The following DPYD variants were observed in gnomAD, a reference collection of about 807,000 sequenced individuals.
The protein encoded by DPYD is dihydropyrimidine dehydrogenase [NADP(+)].
Under a neutral mutation model 116.2 loss-of-function variants are expected in DPYD, and 109 were observed. The ratio of observed to expected loss-of-function variants is 0.94; its 90% CI spans 0.80 to 1.10. The LOEUF is 1.10. DPYD is among the 50% of genes least tolerant of loss of function. The pLI, the probability that DPYD is intolerant of heterozygous loss-of-function variation, is 0.00. For missense variants in DPYD, 1,302 were observed against 1,254.5 expected, an observed-to-expected ratio of 1.04 and a Z score of -0.57; for synonymous variants, 440 against 432.0, an observed-to-expected ratio of 1.02 and a Z score of -0.23.
chr1:97,620,951 TTTCA>T (rs1334009900), intron 8 of DPYD, among the ~76,000 whole-genome samples: 1 of 152,154 alleles, frequency 6.6e-6, no homozygotes, highest in African/African-American at 2.4e-5. Context: ...AAGTTTAGCA[TTTCA>T]TTCAAACTCA....
chr1:97,172,178 C>T (rs988488685), intron 20 of DPYD, among the ~76,000 whole-genome samples: 3 of 152,148 alleles, frequency 2.0e-5, no homozygotes, highest in Admixed American at 6.6e-5. Flanking sequence ...TATCTTTCTT[C>T]GTAGGCTCTC....
chr1:97,133,897 G>A (rs1653520527), intron 20 of DPYD, among the ~76,000 whole-genome samples: 1 of 150,094 alleles, frequency 6.7e-6, no homozygotes, highest in Non-Finnish European at 1.5e-5. Flanking sequence ...TACTCAGGAG[G>A]CTGAGGTGGG....
At chr1:97,438,009 G>C (rs1372063655) in intron 14 of DPYD, among the ~76,000 whole-genome samples, 1 of 151,870 alleles carries the variant, frequency 6.6e-6, no homozygotes. Flanking sequence ...TTGCCTTTTT[G>C]CATCTTTGTC....
chr1:97,506,354 G>A (rs1003689659), intron 13 of DPYD, among the ~76,000 whole-genome samples: 2 of 151,916 alleles, frequency 1.3e-5, no homozygotes, highest in African/African-American at 4.8e-5. Context: ...ACCAAAGATT[G>A]TATCATCTAA....
chr1:97,360,723 T>G (rs1023626978), intron 16 of DPYD, among the ~76,000 whole-genome samples: 42 of 152,076 alleles, frequency 2.8e-4, no homozygotes, highest in Non-Finnish European at 2.6e-4. Context: ...ATAACGAAAT[T>G]AAGGCAGAAA....
At chr1:97,104,668 A>G (rs936459490) in intron 20 of DPYD, among the ~76,000 whole-genome samples, 8 of 152,066 alleles carry the variant, frequency 5.3e-5, no homozygotes, top group Admixed American at 1.3e-4. Context: ...GGAAAGGTGA[A>G]GAGAATCCTC....
At chr1:97,373,148 A>C (rs77645731) in intron 16 of DPYD, among the ~76,000 whole-genome samples, 2 of 152,214 alleles carry the variant, frequency 1.3e-5, no homozygotes, top group Non-Finnish European at 2.9e-5. Flanking sequence ...ATGCTAAAAA[A>C]TGTAAAATGC....
At chr1:97,278,791 T>C in intron 18 of DPYD, among the ~76,000 whole-genome samples, 1 of 152,166 alleles carries the variant, frequency 6.6e-6, no homozygotes, top group East Asian at 1.9e-4. Flanking sequence ...TAATAATCTG[T>C]TTTTCTTGCA....
intron 8 of DPYD, among the ~76,000 whole-genome samples, chr1:97,674,368 T>C (rs1417289067): frequency 6.6e-6 from 1 of 152,190 alleles, no homozygotes; most frequent in Non-Finnish European, 1.5e-5. Context: ...TTCTCATGCA[T>C]TCTAAAAACA....
chr1:97,845,030 C>T (rs978618362), intron 2 of DPYD, among the ~76,000 whole-genome samples: 11 of 152,198 alleles, frequency 7.2e-5, no homozygotes, highest in African/African-American at 2.7e-4. Flanking sequence ...CAGTGGAAAG[C>T]AGGGGGTGCT....
intron 3 of DPYD, among the ~76,000 whole-genome samples, chr1:97,764,777 T>A (rs1665760040): frequency 6.6e-6 from 1 of 152,128 alleles, no homozygotes; most frequent in South Asian, 2.1e-4. Context: ...AGAGATTTAT[T>A]ACGTACTTCT....
At chr1:97,832,175 C>G (rs4246514) in intron 2 of DPYD, among the ~76,000 whole-genome samples, 114,367 of 151,234 alleles carry the variant, frequency 0.76, 43,696 homozygotes, top group East Asian at 0.98. Context: ...ATCTGCATGA[C>G]AACCATATGT....
chr1:97,205,412 C>T (rs1659521155), intron 19 of DPYD, among the ~76,000 whole-genome samples: 1 of 151,876 alleles, frequency 6.6e-6, no homozygotes, highest in Non-Finnish European at 1.5e-5. Context: ...ATTGAAATCA[C>T]ATATATGTAG....
At chr1:97,843,144 C>G (rs767557546) in intron 2 of DPYD, among the ~76,000 whole-genome samples, 1 of 152,072 alleles carries the variant, frequency 6.6e-6, no homozygotes, top group Non-Finnish European at 1.5e-5. Flanking sequence ...TATACAGACG[C>G]CTATCTCAGA....
At chr1:97,448,429 T>C (rs1032993199) in intron 14 of DPYD, among the ~76,000 whole-genome samples, 1 of 152,156 alleles carries the variant, frequency 6.6e-6, no homozygotes, top group African/African-American at 2.4e-5. Context: ...TATAAAGTTG[T>C]TCAAAAAGAT....
At chr1:97,255,265 T>C (rs972324497) in intron 18 of DPYD, among the ~76,000 whole-genome samples, 1 of 152,180 alleles carries the variant, frequency 6.6e-6, no homozygotes, top group Admixed American at 6.6e-5. Context: ...ACTTCCTATA[T>C]GACAAGCTCT....
chr1:97,079,146 C>T lies in DPYD; in HGVS notation c.2908G>A (p.Ala970Thr). The T allele has an allele frequency of 6.2e-7, 1 of 1,613,242 alleles. No homozygotes were observed. Among genetic ancestry groups the T allele is most frequent in the Non-Finnish European group, 8.5e-7 (1 of 1,179,510 alleles). ...TGGGTTTCTGGATCAAACTGTATAGCCTGCAAACAGAAATAGAGGGTATTG... is the reference window on the plus strand; with the variant it reads ...TGGGTTTCTGGATCAAACTGTATAGTCTGCAAACAGAAATAGAGGGTATTG... ...YMTCNDSGYQ[A>T]IQFDPETHLP... is the part of the protein sequence containing the mutation. The change falls in exon 23 of 23, where the codon GCT becomes ACT. Residue 970 changes from alanine (A) to threonine (T), a missense_variant and splice_region_variant. Transcript: ENST00000370192.
At chr1:97,846,930 A>G (rs1455184126) in intron 2 of DPYD, among the ~76,000 whole-genome samples, 2 of 152,208 alleles carry the variant, frequency 1.3e-5, no homozygotes, top group African/African-American at 4.8e-5. Flanking sequence ...GATTTTCAAA[A>G]AAACAGCACT....
intron 12 of DPYD, among the ~76,000 whole-genome samples, chr1:97,536,528 G>A (rs1650011804): frequency 6.6e-6 from 1 of 152,210 alleles, no homozygotes; most frequent in African/African-American, 2.4e-5. Flanking sequence ...GTTTTTATCT[G>A]AAGCAGTAGA....
Sources: gnomAD v4.1 joint callset for allele counts (sites outside exome capture counted in the v4.1 genomes callset) on GRCh38, gnomAD v4.1.1 for gene constraint, MANE v1.5 for transcripts, NCBI Gene and HGNC (gene_info 2026-07-23, HGNC 2026-07-21) for gene names.